The following DUOX2 variants were observed in gnomAD, a reference collection of about 807,000 sequenced individuals.
The protein encoded by DUOX2 is dual oxidase 2.
A neutral mutation model predicts 183.3 loss-of-function variants in DUOX2; 185 were observed. That is an observed-to-expected ratio of 1.01 (90% CI 0.90 to 1.14). DUOX2 has a LOEUF of 1.14. Ranked by LOEUF, DUOX2 falls within the 50% of genes most tolerant of loss-of-function variation. DUOX2 has a pLI of 0.00. For missense variants in DUOX2, 1,999 were observed against 2,022.9 expected (o/e 0.99, Z 0.23); for synonymous variants, 788 against 812.4 (o/e 0.97, Z 0.51).
intron 10 of DUOX2, 35 bp downstream of exon 10, chr15:45,109,855 G>C: frequency 6.3e-7 from 1 of 1,594,064 alleles, no homozygotes; most frequent in African/African-American, 1.3e-5. Flanking sequence ...GACTGACCTT[G>C]ACCCATCTTC....
At chr15:45,095,388 C>A (rs908664414) in intron 31 of DUOX2, 49 bp downstream of exon 31, 4 of 1,612,536 alleles carry the variant, frequency 2.5e-6, no homozygotes, top group Non-Finnish European at 3.4e-6. Flanking sequence ...ATGCGGGTCA[C>A]AATTCGGCCA....
At position 45,097,305 on chromosome 15, in the gene DUOX2, G is replaced by T. The variant is rs570496245; in HGVS notation, c.3780C>A (p.Asp1260Glu). 6 of 1,614,272 alleles carry T rather than the reference G, an allele frequency of 3.7e-6. No homozygotes were observed. The highest frequency in any genetic ancestry group is 5.1e-6 in the Non-Finnish European group (6 of 1,180,052). The change falls in exon 29 of 34, where the codon GAC (aspartate) becomes GAA (glutamate). Residue 1260 changes from aspartate to glutamate, a missense_variant. Transcript: ENST00000389039. ...TCTTCCGGCTCAGGCTCACCAGCTTGTCACCTCCATAGATGATTGCCGGGA... is the reference window on the plus strand; with the variant it reads ...TCTTCCGGCTCAGGCTCACCAGCTTTTCACCTCCATAGATGATTGCCGGGA... ...FLVPAIIYGG[D>E]KLVSLSRKKV...
chr15:45,106,564 T>C lies in DUOX2; in HGVS notation c.1909A>G (p.Ser637Gly). 6.2e-7 allele frequency: 1 copy of C among 1,614,156 alleles called. No homozygotes were observed. Among genetic ancestry groups the C allele is most frequent in the Non-Finnish European group, 8.5e-7 (1 of 1,180,014 alleles). ...HKKLQKKLKE[S>G]VKKEAAKDGV... is the part of the protein sequence containing the mutation. ...TCTTTGGCTGCTTCCTTCTTCACGC[T>C]CTCTTTGAGTTTCTTTTGTAGCTTC... Residue 637 changes from serine (S) to glycine (G), a missense_variant, in exon 16 of 34, where the codon AGC (serine) becomes GGC (glycine). Ser to Gly is a moderately conservative substitution (Grantham distance 56, BLOSUM62 0). This residue lies in a region of DUOX2 where 1,628 missense variants were observed against 1,608.6 expected (regional missense o/e 1.01). Coordinates refer to ENST00000389039, the MANE Select transcript of DUOX2 (RefSeq NM_001363711.2).
At chr15:45,097,148 G>A in intron 29 of DUOX2, 90 bp downstream of exon 29, 2 of 1,584,326 alleles carry the variant, frequency 1.3e-6, no homozygotes. Context: ...CAGAGGCAGT[G>A]ATGGGGTCAG....
chr15:45,097,471 T>C (rs1893936067), intron 28 of DUOX2, 80 bp from the exon 29 acceptor site: 1 of 1,612,634 alleles, frequency 6.2e-7, no homozygotes, highest in African/African-American at 1.3e-5. Flanking sequence ...GCACTAGGCC[T>C]GTGCCGGGGA....
rs2141157075 is a variant in DUOX2 at position 45,111,186 on chromosome 15, C to T, written c.807G>A (p.Leu269=). Residue 269 remains leucine (L), a synonymous_variant, in exon 7 of 34, where the codon CTG becomes CTA. Transcript: ENST00000389039. ...CCTCCCAGTCTGGGTGCTGGCGGGC[C>T]AGCCTCTGCGCCCACAGGTTGTGGT... The part of the protein sequence containing the change: ...FRYHNLWAQR[L]ARQHPDWEDE... 7.9e-7 allele frequency: 1 copy of T among 1,270,634 alleles called. No homozygotes were observed. The highest frequency in any genetic ancestry group is 2.5e-5 in the East Asian group (1 of 39,358). 78.7% of individuals were successfully genotyped at this position (1,270,634 alleles called of 1,614,324 possible).
In DUOX2 at chr15:45,107,457, G is replaced by A; in HGVS notation, c.1581C>T (p.Phe527=). 1 of 1,614,126 alleles carries A rather than the reference G, an allele frequency of 6.2e-7. No individual in the cohort carries two copies. Among genetic ancestry groups the A allele is most frequent in the Non-Finnish European group, 8.5e-7 (1 of 1,179,998 alleles). The change falls in exon 14 of 34, where the codon TTC becomes TTT. Residue 527 remains phenylalanine (F), a synonymous_variant. Coordinates refer to ENST00000389039, the MANE Select transcript of DUOX2 (RefSeq NM_001363711.2). ...GGATGTCTTCAATCTCCTTCTTGGA[G>A]AACAGCCTAAGTTGGAGGAAGTAGA... The part of the protein sequence containing the change: ...YWFENTRNGL[F]SKKEIEDIRN...
intron 11 of DUOX2, chr15:45,109,202 T>C: frequency 1.6e-6 from 1 of 613,170 alleles, no homozygotes; most frequent in East Asian, 2.8e-5. Flanking sequence ...AGCAGTAAAT[T>C]CCCTGTCCTA....
intron 20 of DUOX2, among the ~76,000 whole-genome samples, chr15:45,102,842 C>T (rs1205666466): frequency 1.3e-5 from 2 of 152,122 alleles, no homozygotes; most frequent in African/African-American, 2.4e-5. Flanking sequence ...ATTAGCTGGA[C>T]GTGGTGGCAC....
chr15:45,109,830 C>G (rs1894329143), intron 10 of DUOX2, 60 bp downstream of exon 10: 3 of 1,543,044 alleles, frequency 1.9e-6, no homozygotes, highest in Non-Finnish European at 1.8e-6. Flanking sequence ...TTGCTTTTCC[C>G]AGCCTGTGTG....
rs1015689976 is a variant in DUOX2 at position 45,111,002 on chromosome 15, G to A, written c.882+109C>T. 47 of 1,394,918 alleles carry A rather than the reference G, an allele frequency of 3.4e-5. 2 individuals are homozygous for A. In the African/African-American group the frequency reaches 6.0e-4, roughly 18 times the overall value. The allele number at this position is 1,394,918 out of a possible 1,614,324, so 86.4% of individuals were successfully genotyped here. A position where few individuals can be genotyped will look rare whatever the true frequency, so the allele number is the denominator to read the frequency against. On this transcript the variant is annotated intron_variant, in intron 7 of 33. Transcript: ENST00000389039. ...TCCCTAGACCTCGGCTGTCTGGGGA[G>A]GGGTTTCTGGGTGGCGGTTGTCCAC...
At chr15:45,110,397 T>C in intron 9 of DUOX2, 31 bp downstream of exon 9, 1 of 1,588,172 alleles carries the variant, frequency 6.3e-7, no homozygotes. Context: ...TTTCTTAGTG[T>C]GGTGCCCCTC....
intron 17 of DUOX2, 21 bp from the exon 18 acceptor site, chr15:45,105,849 A>C: frequency 6.2e-7 from 1 of 1,613,710 alleles, no homozygotes; most frequent in Non-Finnish European, 8.5e-7. Context: ...GGAAGGCGGC[A>C]CTGACGCAGG....
rs761831857 is a variant in DUOX2 at position 45,113,034 on chromosome 15, T to C, written c.113A>G (p.Tyr38Cys). 5 of 1,613,994 alleles carry C rather than the reference T, an allele frequency of 3.1e-6. No homozygotes were observed. The highest frequency in any genetic ancestry group is 1.1e-5 in the South Asian group (1 of 91,072). ...ALSLPWEVQR[Y>C]DGWFNNLRHH... ...CCTCAGGTTGTTAAACCAGCCGTCA[T>C]AGCGCTGCACTTCCCAGGGCAGTGA... Residue 38 changes from tyrosine (Y) to cysteine (C), a missense_variant, in exon 3 of 34, where the codon TAT becomes TGT. Tyr to Cys is a radical substitution (Grantham distance 194). Transcript: ENST00000389039.
intron 20 of DUOX2, among the ~76,000 whole-genome samples, chr15:45,103,491 A>G (rs1803809686): frequency 6.6e-6 from 1 of 152,230 alleles, no homozygotes; most frequent in Non-Finnish European, 1.5e-5. Flanking sequence ...CTTAAGATGC[A>G]GGAAGAAAGA....
Position 45,092,940 on chromosome 15 carries a change from G to T in DUOX2, c.*1210C>A, listed in dbSNP as rs1893800607. 2 of 152,204 alleles carry T rather than the reference G, an allele frequency of 1.3e-5. No homozygotes were observed. The highest frequency in any genetic ancestry group is 1.3e-4 in the Admixed American group (2 of 15,278). 9.4% of individuals were successfully genotyped at this position (152,204 alleles called of 1,614,324 possible). A position where few individuals can be genotyped will look rare whatever the true frequency, so the allele number is the denominator to read the frequency against. ...TTCTAGGAGCTAGGGGAGACGAAGT[G>T]GAAGGGGGTACAAGGGGAGTTTCTG... On this transcript the variant is annotated 3_prime_UTR_variant, in exon 34 of 34. Coordinates refer to ENST00000389039, the MANE Select transcript of DUOX2 (RefSeq NM_001363711.2).
intron 26 of DUOX2, among the ~76,000 whole-genome samples, chr15:45,098,332 C>T (rs891667756): frequency 5.3e-5 from 8 of 152,198 alleles, no homozygotes; most frequent in African/African-American, 1.9e-4. Flanking sequence ...CTGTAAGCTC[C>T]ATGAGGGCAG....
Position 45,106,925 on chromosome 15 carries a change from G to C in DUOX2, c.1738C>G (p.Pro580Ala), listed in dbSNP as rs563416210. The C allele has an allele frequency of 1.3e-6, 2 of 1,580,984 alleles. No homozygotes were observed. Among genetic ancestry groups the C allele is most frequent in the Non-Finnish European group, 1.7e-6 (2 of 1,163,862 alleles). The change falls in exon 15 of 34, where the codon CCC becomes GCC. Residue 580 changes from proline to alanine, a missense_variant. Pro to Ala is a conservative substitution (Grantham distance 27, BLOSUM62 -1). This residue lies in a region of DUOX2 where 1,628 missense variants were observed against 1,608.6 expected (regional missense o/e 1.01). Coordinates refer to ENST00000389039, the MANE Select transcript of DUOX2 (RefSeq NM_001363711.2). ...QPKQLTTDGLPQCAPLTVLDF... is the reference protein window; with the variant it reads ...QPKQLTTDGLAQCAPLTVLDF... Reference sequence around the variant, plus strand: ...AGCACAGTCAGGGGTGCACACTGGGGCAGGCCGTCAGTTGTGAGCTGCTTA... The same window carrying C: ...AGCACAGTCAGGGGTGCACACTGGGCCAGGCCGTCAGTTGTGAGCTGCTTA...
At chr15:45,113,302 C>G (rs1894501658) in intron 2 of DUOX2, 40 bp downstream of exon 2, 2 of 1,549,790 alleles carry the variant, frequency 1.3e-6, no homozygotes, top group Non-Finnish European at 1.7e-6. Flanking sequence ...TCCCAGGGAT[C>G]CTGGGGAACA....
Sources: gnomAD v4.1 joint callset for allele counts (sites outside exome capture counted in the v4.1 genomes callset) on GRCh38, gnomAD v4.1.1 for gene constraint, gnomAD v4.1.1 regional missense constraint, MANE v1.5 for transcripts, NCBI Gene and HGNC (gene_info 2026-07-23, HGNC 2026-07-21) for gene names.